DSCAM: variants seen among roughly 807,000 people sequenced by gnomAD.
DSCAM encodes the protein DS cell adhesion molecule.
DSCAM carries 47 observed loss-of-function variants against 217.7 expected under a neutral mutation model. That is an observed-to-expected ratio of 0.22 (90% CI 0.17 to 0.28). The LOEUF is 0.28. Ranked by LOEUF, DSCAM falls within the 10% of genes least tolerant of loss-of-function variation. The pLI is 1.00. For missense variants in DSCAM, 2,080 were observed against 2,618.3 expected (o/e 0.79, Z 4.49); for synonymous variants, 1,056 against 1,015.3 (o/e 1.04, Z -0.76).
Position 40,836,762 on chromosome 21 carries a change from T to C in DSCAM, c.43+9857A>G, listed in dbSNP as rs1478934361. Among the ~76,000 whole-genome samples, 3 of 152,162 alleles carry C rather than the reference T, an allele frequency of 2.0e-5. No homozygotes were observed. The East Asian group carries it at 5.8e-4, about 29-fold the overall frequency. On this transcript the variant is annotated intron_variant, in intron 1 of 32. Transcript: ENST00000400454. ...TCACAGGTCGTGCATACACCAAGGC[T>C]ACAGAATCAGACTCTCTGGTATCAG...
chr21:40,371,982 A>G (rs1234437890), intron 3 of DSCAM, among the ~76,000 whole-genome samples: 1 of 152,184 alleles, frequency 6.6e-6, no homozygotes, highest in Admixed American at 6.5e-5. Context: ...CTTGAAATTG[A>G]TCAACATTTT....
intron 3 of DSCAM, among the ~76,000 whole-genome samples, chr21:40,574,498 A>T (rs2146209149): frequency 6.6e-6 from 1 of 152,354 alleles, no homozygotes; most frequent in South Asian, 2.1e-4. Context: ...TTTACAGAAG[A>T]TATACAAATA....
chr21:40,642,514 G>T (rs2089895518), intron 3 of DSCAM, among the ~76,000 whole-genome samples: 1 of 152,268 alleles, frequency 6.6e-6, no homozygotes, highest in East Asian at 1.9e-4. Context: ...GGAGTTTTTG[G>T]TTCCAGAGGT....
intron 3 of DSCAM, among the ~76,000 whole-genome samples, chr21:40,429,343 T>C (rs976205481): frequency 6.6e-6 from 1 of 152,002 alleles, no homozygotes; most frequent in Non-Finnish European, 1.5e-5. Flanking sequence ...CTCGGCTCAC[T>C]GCAACCTCTG....
intron 3 of DSCAM, among the ~76,000 whole-genome samples, chr21:40,683,355 C>T (rs1236324962): frequency 6.6e-6 from 1 of 151,832 alleles, no homozygotes; most frequent in Non-Finnish European, 1.5e-5. Flanking sequence ...GCCCAAAATA[C>T]TCACTACTAT....
At chr21:40,767,887 T>TC (rs199991196) in intron 1 of DSCAM, among the ~76,000 whole-genome samples, 68,024 of 149,334 alleles carry the variant, frequency 0.46, 16,207 homozygotes, top group African/African-American at 0.6. Context: ...ATTTTCTCTC[T>TC]TTCTCTCTCT....
chr21:40,813,771 C>G (rs975349285), intron 1 of DSCAM, among the ~76,000 whole-genome samples: 1 of 151,610 alleles, frequency 6.6e-6, no homozygotes, highest in East Asian at 1.9e-4. Context: ...CTCAGCCTCC[C>G]GAGTAGCTGG....
chr21:40,778,105 G>T (rs2091505062), intron 1 of DSCAM, among the ~76,000 whole-genome samples: 2 of 152,072 alleles, frequency 1.3e-5, no homozygotes, highest in African/African-American at 4.8e-5. Context: ...AACTGAGAGG[G>T]TATGCCACAA....
chr21:40,643,200 C>G (rs1274392938), intron 3 of DSCAM, among the ~76,000 whole-genome samples: 1 of 152,132 alleles, frequency 6.6e-6, no homozygotes, highest in East Asian at 1.9e-4. Flanking sequence ...CAATGTTTTT[C>G]CTACTGTCTT....
At chr21:40,457,008 A>G (rs1411407100) in intron 3 of DSCAM, among the ~76,000 whole-genome samples, 1 of 152,210 alleles carries the variant, frequency 6.6e-6, no homozygotes, top group East Asian at 1.9e-4. Context: ...ACAAAAGTCC[A>G]TAGGACAAAG....
chr21:40,838,256 T>C (rs1020583879), intron 1 of DSCAM, among the ~76,000 whole-genome samples: 6 of 152,214 alleles, frequency 3.9e-5, no homozygotes, highest in Non-Finnish European at 8.8e-5. Flanking sequence ...AATCAATGCT[T>C]TACTCAATAT....
chr21:40,787,799 G>A (rs926692019), intron 1 of DSCAM, among the ~76,000 whole-genome samples: 4 of 148,010 alleles, frequency 2.7e-5, no homozygotes, highest in Non-Finnish European at 4.4e-5. Context: ...ATCAGAATTC[G>A]AGGTCAGACC....
intron 11 of DSCAM, among the ~76,000 whole-genome samples, chr21:40,192,229 C>T (rs1180160395): frequency 6.6e-6 from 1 of 152,120 alleles, no homozygotes; most frequent in Non-Finnish European, 1.5e-5. Flanking sequence ...CACTAATCTA[C>T]CTTCTCTCCC....
intron 23 of DSCAM, 62 bp downstream of exon 23, chr21:40,085,540 C>CA: frequency 7.3e-7 from 1 of 1,365,716 alleles, no homozygotes; most frequent in South Asian, 2.1e-5. Flanking sequence ...TTCAGTGCTA[C>CA]TTTTTGCATA....
intron 10 of DSCAM, among the ~76,000 whole-genome samples, chr21:40,282,359 G>A (rs141831098): frequency 0.018 from 2,790 of 151,920 alleles, 106 homozygotes; most frequent in Admixed American, 0.077. Context: ...AGGCCGAGGC[G>A]GGTGGATCAC....
intron 6 of DSCAM, among the ~76,000 whole-genome samples, chr21:40,345,367 G>A (rs1467833266): frequency 6.6e-6 from 1 of 152,166 alleles, no homozygotes; most frequent in East Asian, 1.9e-4. Context: ...CTCAGTGGAA[G>A]AGGACACTCC....
chr21:40,520,756 G>A (rs971826218), intron 3 of DSCAM, among the ~76,000 whole-genome samples: 7 of 152,108 alleles, frequency 4.6e-5, no homozygotes, highest in East Asian at 1.9e-4. Context: ...GCAGTGAGCC[G>A]AGATTGTGCC....
At chr21:40,604,731 T>C (rs138228533) in intron 3 of DSCAM, among the ~76,000 whole-genome samples, 1 of 152,310 alleles carries the variant, frequency 6.6e-6, no homozygotes, top group African/African-American at 2.4e-5. Context: ...GGTATTATTT[T>C]GGAGCCTTGT....
chr21:40,742,455 C>T (rs750496540), intron 1 of DSCAM, among the ~76,000 whole-genome samples: 1 of 152,332 alleles, frequency 6.6e-6, no homozygotes, highest in South Asian at 2.1e-4. Flanking sequence ...TTCTCTTCTA[C>T]AGACTCTGAA....
Sources: allele counts gnomAD v4.1 joint callset (sites outside exome capture counted in the v4.1 genomes callset), GRCh38; gene constraint gnomAD v4.1.1; transcripts MANE v1.5; gene names NCBI Gene and HGNC (gene_info 2026-07-23, HGNC 2026-07-21).